OCRL: variants seen among roughly 807,000 people sequenced by gnomAD.
OCRL encodes OCRL inositol polyphosphate-5-phosphatase.
A neutral mutation model predicts 78.9 loss-of-function variants in OCRL; 8 were observed. The observed-to-expected ratio is 0.10, with a 90% confidence interval of 0.06 to 0.18. The LOEUF (loss-of-function observed/expected upper bound fraction) is 0.18, where lower values mean the gene tolerates loss of function less well. Among genes scored for constraint, OCRL ranks in the 10% least tolerant of loss-of-function variants. The pLI is 1.00. For synonymous variants in OCRL, 240 were observed against 235.4 expected (o/e 1.02, Z -0.18); for missense variants, 454 against 696.7 (o/e 0.65, Z 3.92).
chrX:129,582,262 C>T (rs1293159474), intron 18 of OCRL, among the ~76,000 whole-genome samples: 1 of 111,491 alleles, frequency 9.0e-6, no homozygotes, highest in Non-Finnish European at 1.9e-5. Flanking sequence ...ATTGAGAACT[C>T]GTATTCATGA....
rs1344529540 is a variant in OCRL, at chrX:129,560,604, A to G, written c.777A>G (p.Glu259=). The part of the protein sequence containing the change: ...VNGQSPDSGL[E]PWLNCDPNPP... Reference sequence around the variant, plus strand: ...GCCAGTCTCCAGATAGCGGGTTAGAACCTTGGCTGAACTGTGATCCCAATC... The same window carrying G: ...GCCAGTCTCCAGATAGCGGGTTAGAGCCTTGGCTGAACTGTGATCCCAATC... Residue 259 remains glutamate (E), a synonymous_variant, in exon 9 of 24, where the codon GAA becomes GAG. Coordinates refer to ENST00000371113, the MANE Select transcript of OCRL (RefSeq NM_000276.4). The G allele has an allele frequency of 8.3e-7, 1 of 1,203,387 alleles. No individual in the cohort carries two copies. The highest frequency in any genetic ancestry group is 3.0e-5 in the East Asian group (1 of 33,700).
At chrX:129,548,968 T>A (rs1935925050) in intron 4 of OCRL, among the ~76,000 whole-genome samples, 1 of 111,886 alleles carries the variant, frequency 8.9e-6, no homozygotes. Context: ...GGTCATTTTT[T>A]AACTGCTATT....
Position 129,549,175 on chromosome X carries a change from ATCT to A in OCRL, c.238+579_238+581del, listed in dbSNP as rs1215677634. On this transcript the variant is annotated intron_variant, in intron 4 of 23. Transcript: ENST00000371113. Reference sequence around the variant, plus strand: ...GCATCTCTTTATTAGAGGGAACATGATCTTCTTTTCAATGTTTCCATTCTCTCA... The same window carrying A: ...GCATCTCTTTATTAGAGGGAACATGATCTTTTCAATGTTTCCATTCTCTCA... 3.6e-5 allele frequency among the ~76,000 whole-genome samples: 4 copies of A among 111,857 alleles called. No individual in the cohort carries two copies. In the East Asian group the frequency reaches 8.3e-4, roughly 23 times the overall value.
At chrX:129,585,952 G>A (rs747010121) in intron 19 of OCRL, among the ~76,000 whole-genome samples, 1 of 110,737 alleles carries the variant, frequency 9.0e-6, no homozygotes, top group East Asian at 2.8e-4. Flanking sequence ...ACAATGTTAG[G>A]CAAGAATTTC....
chrX:129,584,456 C>A, intron 19 of OCRL, 89 bp downstream of exon 19: 1 of 900,582 alleles, frequency 1.1e-6, no homozygotes, highest in South Asian at 2.0e-5. Context: ...TAGGCTTTCC[C>A]ATATCAGAGA....
In OCRL at chrX:129,590,302, A is replaced by G; in HGVS notation, c.*32A>G. ...TACTGTTCTCTGATATTCTAGAAGC[A>G]GACGATCTCGGGCTCCAAGTATTTC... On this transcript the variant is annotated 3_prime_UTR_variant, in exon 24 of 24. Coordinates refer to ENST00000371113, the MANE Select transcript of OCRL (RefSeq NM_000276.4). The G allele has an allele frequency of 8.3e-7, 1 of 1,207,174 alleles. No individual in the cohort carries two copies. Among genetic ancestry groups the G allele is most frequent in the Non-Finnish European group, 1.1e-6 (1 of 891,991 alleles).
chrX:129,564,818 A>G (rs898487925), intron 12 of OCRL, among the ~76,000 whole-genome samples: 2 of 110,813 alleles, frequency 1.8e-5, no homozygotes, highest in African/African-American at 6.6e-5. Flanking sequence ...ACATGTATAC[A>G]TATGTAACTA....
intron 4 of OCRL, among the ~76,000 whole-genome samples, chrX:129,554,202 G>A (rs187262733): frequency 3.2e-4 from 35 of 110,247 alleles, no homozygotes; most frequent in African/African-American, 1.1e-3. Context: ...AAGTTGGAAG[G>A]AATAACATGT....
chrX:129,545,685 A>G (rs1935868999), intron 3 of OCRL, among the ~76,000 whole-genome samples: 1 of 112,151 alleles, frequency 8.9e-6, no homozygotes, highest in Admixed American at 9.5e-5. Flanking sequence ...TAGAAAGGAA[A>G]TTGATACTAG....
intron 4 of OCRL, among the ~76,000 whole-genome samples, chrX:129,553,018 C>G (rs891897562): frequency 8.9e-6 from 1 of 112,183 alleles, no homozygotes; most frequent in Non-Finnish European, 1.9e-5. Context: ...TGCCCATAGT[C>G]ACAGAAAGTC....
rs1287026309 is a variant in OCRL at position 129,591,281 on chromosome X, G to A, written c.*1011G>A. On this transcript the variant is annotated 3_prime_UTR_variant, in exon 24 of 24. Coordinates refer to ENST00000371113, the MANE Select transcript of OCRL (RefSeq NM_000276.4). Reference sequence around the variant, plus strand: ...TTCTCTGGTCTTCTGAAATACCAAGGGCAGATGTCACCTCCTTCCTCAGCA... The same window carrying A: ...TTCTCTGGTCTTCTGAAATACCAAGAGCAGATGTCACCTCCTTCCTCAGCA... 1 of 112,252 alleles carries A rather than the reference G, an allele frequency of 8.9e-6. No homozygotes were observed. The highest frequency in any genetic ancestry group is 1.9e-5 in the Non-Finnish European group (1 of 53,158). The allele number at this position is 112,252 out of a possible 1,213,427, so 9.3% of individuals were successfully genotyped here. A position where few individuals can be genotyped will look rare whatever the true frequency, so the allele number is the denominator to read the frequency against.
At chrX:129,583,346 G>A (rs765195883) in intron 18 of OCRL, among the ~76,000 whole-genome samples, 122 of 112,012 alleles carry the variant, frequency 1.1e-3, no homozygotes, top group African/African-American at 3.8e-3. Context: ...TGTCCAGGAA[G>A]CAGTCACATT....
chrX:129,585,532 G>A (rs761598916), intron 19 of OCRL, among the ~76,000 whole-genome samples: 85 of 112,346 alleles, frequency 7.6e-4, no homozygotes, highest in African/African-American at 2.6e-3. Flanking sequence ...AGTTAGCAGA[G>A]TGCATGATGG....
intron 18 of OCRL, among the ~76,000 whole-genome samples, chrX:129,581,743 G>A (rs1028777707): frequency 1.9e-4 from 20 of 103,292 alleles, no homozygotes; most frequent in Non-Finnish European, 3.5e-4. Context: ...GTGTGTGTGT[G>A]TGTGTGTGTA....
intron 4 of OCRL, among the ~76,000 whole-genome samples, chrX:129,548,864 A>G (rs1342922649): frequency 4.5e-5 from 5 of 112,114 alleles, no homozygotes; most frequent in African/African-American, 1.6e-4. Flanking sequence ...AGCTACCAGT[A>G]TTGTTGCTGT....
chrX:129,555,000 T>A (rs185734066), intron 4 of OCRL, among the ~76,000 whole-genome samples: 1,517 of 95,568 alleles, frequency 0.016, 13 homozygotes, highest in East Asian at 0.058. Context: ...AATAAATAAA[T>A]AAAAATAAGA....
intron 19 of OCRL, chrX:129,586,700 C>T (rs137869864): frequency 0.027 from 11,111 of 404,130 alleles, 988 homozygotes; most frequent in Admixed American, 0.25. Context: ...ATCACCGGAG[C>T]ACTGGTTCTC....
chrX:129,540,583 C>G, intron 1 of OCRL, 105 bp downstream of exon 1: 3 of 949,766 alleles, frequency 3.2e-6, no homozygotes, highest in South Asian at 4.4e-5. Context: ...GGCCCAGAGG[C>G]CGAGCAGAGA....
At chrX:129,558,548 T>G in intron 6 of OCRL, 85 bp from the exon 7 acceptor site, 1 of 1,079,540 alleles carries the variant, frequency 9.3e-7, no homozygotes, top group South Asian at 1.9e-5. Context: ...CTGATCAAAT[T>G]GTGATCAAAT....
Sources: gnomAD v4.1 joint callset for allele counts (sites outside exome capture counted in the v4.1 genomes callset) on GRCh38, gnomAD v4.1.1 for gene constraint, MANE v1.5 for transcripts, NCBI Gene and HGNC (gene_info 2026-07-23, HGNC 2026-07-21) for gene names.